ZNF669: variants seen among roughly 807,000 people sequenced by gnomAD.
ZNF669 encodes zinc finger protein 669.
ZNF669 carries 7 observed loss-of-function variants against 11.4 expected under a neutral mutation model. The observed-to-expected ratio is 0.62, with a 90% CI of 0.35 to 1.16. The LOEUF (loss-of-function observed/expected upper bound fraction) is 1.16. Ranked by LOEUF, ZNF669 falls within the 50% of genes most tolerant of loss-of-function variation. The pLI is 0.02. For synonymous variants in ZNF669, 153 were observed against 155.8 expected (o/e 0.98, Z 0.13); for missense variants, 492 against 463.6 (o/e 1.06, Z -0.56).
intron 1 of ZNF669, 111 bp downstream of exon 1, chr1:247,104,086 C>T: frequency 4.4e-6 from 7 of 1,580,276 alleles, no homozygotes; most frequent in Non-Finnish European, 6.0e-6. Context: ...TACGCCACGG[C>T]GACTCGGTCC....
rs771406465 is a variant in ZNF669 at position 247,101,707 on chromosome 1, T to C, written c.191+24A>G. The C allele has an allele frequency of 8.8e-6, 14 of 1,597,896 alleles. No individual in the cohort carries two copies. In the Admixed American group the frequency reaches 1.2e-4, roughly 14 times the overall value. ...GCTAAGATTCCTTCAGAGGACTTTATTTCCTCTGCTCAGTGCAAATTACCT... is the reference window on the plus strand; with the variant it reads ...GCTAAGATTCCTTCAGAGGACTTTACTTCCTCTGCTCAGTGCAAATTACCT... On this transcript the variant is annotated intron_variant, in intron 3 of 3. Transcript: ENST00000448299.
Position 247,101,998 on chromosome 1 carries a change from A to G in ZNF669, c.119T>C (p.Leu40Pro), listed in dbSNP as rs1307683926. The change falls in exon 2 of 4, where the codon CTG (leucine) becomes CCG (proline). Residue 40 changes from leucine (L) to proline (P), a missense_variant. Leu to Pro is a moderately conservative substitution (Grantham distance 98, BLOSUM62 -3). Transcript: ENST00000448299. ...REVMQETCRN[L>P]ASVGSQWKDQ... ...GTTGTCATTCTTACCTACAGAAGCC[A>G]GGTTCCTGCAGGTTTCCTGCATCAC... The G allele has an allele frequency of 6.2e-7, 1 of 1,614,046 alleles. No individual in the cohort carries two copies. Among genetic ancestry groups the G allele is most frequent in the Admixed American group, 1.7e-5 (1 of 59,988 alleles).
chr1:247,102,706 G>A (rs1175743553), intron 1 of ZNF669, among the ~76,000 whole-genome samples: 3 of 152,228 alleles, frequency 2.0e-5, no homozygotes, highest in Non-Finnish European at 4.4e-5. Flanking sequence ...AGTGTTTAAT[G>A]AGTTTCCCTG....
chr1:247,104,040 G>A (rs766077181), intron 1 of ZNF669, 157 bp downstream of exon 1: 3 of 1,226,506 alleles, frequency 2.4e-6, no homozygotes, highest in Admixed American at 2.0e-5. Flanking sequence ...CGCCCCGCCC[G>A]GCCCGGCCCT....
Position 247,104,338 on chromosome 1 carries a change from G to C in ZNF669, c.-139C>G, listed in dbSNP as rs1671800603. 1.3e-5 allele frequency: 16 copies of C among 1,231,616 alleles called. No homozygotes were observed. The South Asian group carries it at 2.9e-4, about 23-fold the overall frequency. 76.3% of individuals were successfully genotyped at this position (1,231,616 alleles called of 1,614,324 possible). The stretch of plus-strand genomic sequence containing the variant: ...CAGCGGAGACTAACAGGAAGAGCCG[G>C]CTCCGGCGAAGGAGAGACAAAGCAA... On this transcript the variant is annotated 5_prime_UTR_variant, in exon 1 of 4. Coordinates refer to ENST00000448299, the MANE Select transcript of ZNF669 (RefSeq NM_001142572.2).
chr1:247,102,733 A>G (rs1041204751), intron 1 of ZNF669, among the ~76,000 whole-genome samples: 1 of 152,226 alleles, frequency 6.6e-6, no homozygotes, highest in Admixed American at 6.5e-5. Flanking sequence ...AATATTTTAT[A>G]TGTGCTGTCA....
rs201162582 is a variant in ZNF669 at position 247,101,349 on chromosome 1, T to C, written c.192-30A>G. 40 of 1,521,744 alleles carry C rather than the reference T, an allele frequency of 2.6e-5. No homozygotes were observed. In the East Asian group the frequency reaches 8.6e-4, roughly 33 times the overall value. The allele number at this position is 1,521,744 out of a possible 1,614,324, so 94.3% of individuals were successfully genotyped here. ...AAAAAAATGACAAGCACATTATTAT[T>C]GGTTGGTTTATTAATAACTTTCTAC... On this transcript the variant is annotated intron_variant, in intron 3 of 3. Coordinates refer to ENST00000448299, the MANE Select transcript of ZNF669 (RefSeq NM_001142572.2).
rs756033836 is a variant in ZNF669, at chr1:247,100,634, T to G, written c.877A>C (p.Asn293His). Reference protein sequence around the residue: ...KAFSRLSSLCNHRSTHTGEKP... With the variant: ...KAFSRLSSLCHHRSTHTGEKP... ...TCTCCGGTATGAGTACTTCTATGGT[T>G]ACAAAGGGAACTCAAACGACTAAAG... Residue 293 changes from asparagine (N) to histidine (H), a missense_variant, in exon 4 of 4, where the codon AAC becomes CAC. Physicochemically the swap from Asn to His is moderately conservative, Grantham distance 68. Transcript: ENST00000448299. 1.2e-5 allele frequency: 20 copies of G among 1,613,974 alleles called. No individual in the cohort carries two copies. Among genetic ancestry groups the G allele is most frequent in the Non-Finnish European group, 1.6e-5 (19 of 1,179,932 alleles).
intron 1 of ZNF669, among the ~76,000 whole-genome samples, chr1:247,103,556 C>A (rs567971280): frequency 1.4e-5 from 2 of 145,976 alleles, no homozygotes; most frequent in Admixed American, 1.4e-4. Context: ...ATCGCTTGAA[C>A]CCGGGAGTCA....
At chr1:247,103,972 C>A (rs4925692) in intron 1 of ZNF669, 515,625 of 1,602,608 alleles carry the variant, frequency 0.32, 86,335 homozygotes, top group South Asian at 0.46. Flanking sequence ...CCCGACAGGG[C>A]TCCGGCCGGC....
chr1:247,103,942 G>C (rs1457640541), intron 1 of ZNF669: 1 of 1,599,826 alleles, frequency 6.3e-7, no homozygotes, highest in Non-Finnish European at 8.5e-7. Context: ...ACACTACCTG[G>C]ATAGGGGAGG....
In ZNF669 at chr1:247,100,218, T is replaced by C. The variant is rs1671687393; in HGVS notation, c.*156A>G. ...CCAGGATGGTCTCGATCTCCTGACCTCGTGATCCACCCGCCTCGGCCTCCC... is the reference window on the plus strand; with the variant it reads ...CCAGGATGGTCTCGATCTCCTGACCCCGTGATCCACCCGCCTCGGCCTCCC... On this transcript the variant is annotated 3_prime_UTR_variant, in exon 4 of 4. Coordinates refer to ENST00000448299, the MANE Select transcript of ZNF669 (RefSeq NM_001142572.2). 1.7e-6 allele frequency: 1 copy of C among 587,098 alleles called. No individual in the cohort carries two copies. The allele number at this position is 587,098 out of a possible 1,614,324, so 36.4% of individuals were successfully genotyped here. A position where few individuals can be genotyped will look rare whatever the true frequency, so the allele number is the denominator to read the frequency against.
In ZNF669 at chr1:247,101,773, T is replaced by C. The variant is rs749725145; in HGVS notation, c.149A>G (p.Gln50Arg). 1.6e-5 allele frequency: 26 copies of C among 1,614,092 alleles called. No individual in the cohort carries two copies. The highest frequency in any genetic ancestry group is 2.1e-5 in the Non-Finnish European group (25 of 1,179,994). ...LASVGSQWKD[Q>R]NIEDHFEKPG... ...TTTTTCGAAGTGATCTTCAATATTCTGGTCTTTCCATTGGCTTCCTAAAAT... is the reference window on the plus strand; with the variant it reads ...TTTTTCGAAGTGATCTTCAATATTCCGGTCTTTCCATTGGCTTCCTAAAAT... The change falls in exon 3 of 4, where the codon CAG becomes CGG. Residue 50 changes from glutamine to arginine, a missense_variant. Physicochemically the swap from Gln to Arg is conservative, Grantham distance 43. Coordinates refer to ENST00000448299, the MANE Select transcript of ZNF669 (RefSeq NM_001142572.2).
chr1:247,100,111 A>G lies in ZNF669; in HGVS notation c.*263T>C, dbSNP rs1449424226. 3 of 333,790 alleles carry G rather than the reference A, an allele frequency of 9.0e-6. No homozygotes were observed. The highest frequency in any genetic ancestry group is 1.6e-5 in the Non-Finnish European group (3 of 182,666). 20.7% of individuals were successfully genotyped at this position (333,790 alleles called of 1,614,324 possible). On this transcript the variant is annotated 3_prime_UTR_variant, in exon 4 of 4. Coordinates refer to ENST00000448299, the MANE Select transcript of ZNF669 (RefSeq NM_001142572.2). Reference sequence around the variant, plus strand: ...GCCATTCTCCTGCCTCAGCCTCCCGAGTAACTGGGACCACAGGCGTCTGCC... The same window carrying G: ...GCCATTCTCCTGCCTCAGCCTCCCGGGTAACTGGGACCACAGGCGTCTGCC...
At chr1:247,101,420 A>C in intron 3 of ZNF669, 101 bp from the exon 4 acceptor site, 1 of 1,392,026 alleles carries the variant, frequency 7.2e-7, no homozygotes, top group Non-Finnish European at 9.6e-7. Flanking sequence ...ATCAGGGAAA[A>C]TGCATTTTTT....
At chr1:247,102,230 A>G in intron 1 of ZNF669, 117 bp from the exon 2 acceptor site, 1 of 1,263,226 alleles carries the variant, frequency 7.9e-7, no homozygotes, top group Non-Finnish European at 1.1e-6. Flanking sequence ...TTATTCTATG[A>G]CTTGATTGTC....
At chr1:247,102,243 A>C in intron 1 of ZNF669, 130 bp from the exon 2 acceptor site, 1 of 1,130,888 alleles carries the variant, frequency 8.8e-7, no homozygotes, top group East Asian at 2.5e-5. Flanking sequence ...TGATTGTCAC[A>C]ACTCTTACTC....
At chr1:247,104,153 C>T in intron 1 of ZNF669, 44 bp downstream of exon 1, 1 of 1,553,990 alleles carries the variant, frequency 6.4e-7, no homozygotes, top group South Asian at 1.2e-5. Flanking sequence ...AGGTTTCAAC[C>T]AGCCCTCTTC....
intron 1 of ZNF669, among the ~76,000 whole-genome samples, chr1:247,103,019 A>G (rs1671753822): frequency 6.6e-6 from 1 of 152,212 alleles, no homozygotes; most frequent in Non-Finnish European, 1.5e-5. Context: ...AAGAAAAACT[A>G]GTTTTTCATA....
Sources: gnomAD v4.1 joint callset for allele counts (sites outside exome capture counted in the v4.1 genomes callset) on GRCh38, gnomAD v4.1.1 for gene constraint, MANE v1.5 for transcripts, NCBI Gene and HGNC (gene_info 2026-07-23, HGNC 2026-07-21) for gene names.